The following CNBD1 variants were observed in gnomAD, a reference collection of about 807,000 sequenced individuals.
CNBD1 encodes the protein cyclic nucleotide-binding domain-containing protein 1.
CNBD1 carries 71 observed loss-of-function variants against 54.4 expected under a neutral mutation model. The observed-to-expected ratio is 1.30, with a 90% confidence interval of 1.08 to 1.59. The LOEUF (loss-of-function observed/expected upper bound fraction) is 1.59, where lower values mean the gene tolerates loss of function less well. Ranked by LOEUF, CNBD1 falls within the 40% of genes most tolerant of loss-of-function variation. CNBD1 has a pLI of 0.00. For missense variants in CNBD1, 659 were observed against 518.0 expected (o/e 1.27, Z -2.64); for synonymous variants, 182 against 170.7 (o/e 1.07, Z -0.51).
chr8:87,232,886 T>C (rs548488396), intron 5 of CNBD1, among the ~76,000 whole-genome samples: 173 of 152,196 alleles, frequency 1.1e-3, no homozygotes, highest in Middle Eastern at 6.8e-3. Flanking sequence ...TTAAACACAG[T>C]TTTTCCGAAG....
rs563085691 is a variant in CNBD1 at position 87,353,071 on chromosome 8, G to A, written c.1153-565G>A. 3.9e-5 allele frequency among the ~76,000 whole-genome samples: 6 copies of A among 152,256 alleles called. No homozygotes were observed. In the East Asian group the frequency reaches 1.2e-3, roughly 29 times the overall value. On this transcript the variant is annotated intron_variant, in intron 9 of 10. Transcript: ENST00000518476. ...CAGAACCATTCATATTGAACATCCT[G>A]TAGGCCCTTCTCCACAAGGTCTCTT...
At chr8:87,284,246 A>G (rs1046534242) in intron 6 of CNBD1, among the ~76,000 whole-genome samples, 4 of 152,148 alleles carry the variant, frequency 2.6e-5, no homozygotes, top group Non-Finnish European at 5.9e-5. Context: ...AAATTAAGCA[A>G]TCATCCATAA....
intron 2 of CNBD1, among the ~76,000 whole-genome samples, chr8:87,389,239 A>G (rs1426093591): frequency 2.0e-5 from 3 of 152,192 alleles, no homozygotes; most frequent in Non-Finnish European, 2.9e-5. Context: ...TAGTGTTGGA[A>G]GTTCTGGCCA....
intron 4 of CNBD1, among the ~76,000 whole-genome samples, chr8:87,040,009 C>A (rs1282345331): frequency 6.6e-6 from 1 of 152,166 alleles, no homozygotes; most frequent in African/African-American, 2.4e-5. Flanking sequence ...ACAGGGTCTG[C>A]AAAATATCTC....
intron 10 of CNBD1, among the ~76,000 whole-genome samples, chr8:87,382,406 C>G (rs2130960993): frequency 6.6e-6 from 1 of 151,912 alleles, no homozygotes; most frequent in South Asian, 2.1e-4. Flanking sequence ...TAGAATTTTC[C>G]TTGTGGAAAA....
chr8:87,332,902 C>A (rs545525503), intron 8 of CNBD1, among the ~76,000 whole-genome samples: 38 of 151,994 alleles, frequency 2.5e-4, no homozygotes, highest in African/African-American at 8.7e-4. Flanking sequence ...TTTTCTAATT[C>A]TGGAAGAATA....
intron 6 of CNBD1, among the ~76,000 whole-genome samples, chr8:87,262,153 A>G (rs1452575813): frequency 3.3e-5 from 5 of 152,218 alleles, no homozygotes; most frequent in East Asian, 1.9e-4. Context: ...GACCCTGTCT[A>G]AAACACACAA....
At chr8:87,380,291 T>G (rs111845462) in intron 10 of CNBD1, among the ~76,000 whole-genome samples, 2,873 of 152,028 alleles carry the variant, frequency 0.019, 92 homozygotes, top group African/African-American at 0.063. Flanking sequence ...AAAAATAAGA[T>G]CATTCTTGGC....
intron 4 of CNBD1, among the ~76,000 whole-genome samples, chr8:87,076,636 G>T (rs553527756): frequency 6.6e-6 from 1 of 152,016 alleles, no homozygotes; most frequent in South Asian, 2.1e-4. Flanking sequence ...TAGAGATGGG[G>T]TTTCATCGTG....
chr8:87,036,594 T>TGAA (rs762075391), intron 4 of CNBD1, among the ~76,000 whole-genome samples: 1 of 64,744 alleles, frequency 1.5e-5, no homozygotes, highest in Non-Finnish European at 2.8e-5. Context: ...ACTGCATCTC[T>TGAA]AAAAAAAAAA....
intron 4 of CNBD1, among the ~76,000 whole-genome samples, chr8:87,057,473 T>G (rs777040426): frequency 6.6e-6 from 1 of 152,198 alleles, no homozygotes; most frequent in African/African-American, 2.4e-5. Context: ...GGAACTACAA[T>G]TCAAGATATT....
In CNBD1 at chr8:87,260,981, C is replaced by A. The variant is rs116756777; in HGVS notation, c.772-23697C>A. 8.6e-3 allele frequency among the ~76,000 whole-genome samples: 1,305 copies of A among 152,110 alleles called. 34 individuals are homozygous for A. Among genetic ancestry groups the A allele is most frequent in the African/African-American group, 0.03 (1,227 of 41,502 alleles). Reference sequence around the variant, plus strand: ...ACCTAAGCATGCAAGAAAAATGACACAAAGGGATAGAACACAAAAATCCCT... The same window carrying A: ...ACCTAAGCATGCAAGAAAAATGACAAAAAGGGATAGAACACAAAAATCCCT... On this transcript the variant is annotated intron_variant, in intron 6 of 10. Transcript: ENST00000518476.
At chr8:87,189,509 C>G (rs1444643418) in intron 4 of CNBD1, among the ~76,000 whole-genome samples, 1 of 152,106 alleles carries the variant, frequency 6.6e-6, no homozygotes, top group Non-Finnish European at 1.5e-5. Context: ...ATTCCTCTCT[C>G]TCTACAAGAA....
At chr8:87,354,344 G>T (rs951635858) in intron 10 of CNBD1, among the ~76,000 whole-genome samples, 9 of 151,986 alleles carry the variant, frequency 5.9e-5, no homozygotes, top group Admixed American at 5.2e-4. Context: ...GTACTTGGTG[G>T]ATCCCAGGCA....
intron 4 of CNBD1, among the ~76,000 whole-genome samples, chr8:87,070,262 G>A (rs964970863): frequency 1.3e-4 from 20 of 151,864 alleles, no homozygotes; most frequent in Admixed American, 4.6e-4. Flanking sequence ...GTCCTACCCC[G>A]CATATATCTA....
chr8:87,381,738 G>A lies in CNBD1; in HGVS notation c.1304-882G>A, dbSNP rs185786060. Among the ~76,000 whole-genome samples the A allele has an allele frequency of 2.0e-5, 3 of 151,962 alleles. No homozygotes were observed. In the East Asian group the frequency reaches 5.8e-4, roughly 29 times the overall value. ...GAGCCTTGAGGACATTATGCTACAT[G>A]AAATAAGCCAGTCACAGAATCCCCA... On this transcript the variant is annotated intron_variant, in intron 10 of 10. Transcript: ENST00000518476.
At chr8:87,390,795 T>C (rs897883333) in intron 2 of CNBD1, among the ~76,000 whole-genome samples, 3 of 152,168 alleles carry the variant, frequency 2.0e-5, no homozygotes, top group African/African-American at 4.8e-5. Flanking sequence ...TGCACACATA[T>C]GTTTATTGCG....
chr8:87,386,647 T>C (rs559426035), downstream of CNBD1, among the ~76,000 whole-genome samples: 1 of 152,102 alleles, frequency 6.6e-6, no homozygotes, highest in East Asian at 1.9e-4. Flanking sequence ...TACCTGAAAG[T>C]GATGGGGAGA....
At chr8:87,112,328 A>G (rs1811680577) in intron 4 of CNBD1, among the ~76,000 whole-genome samples, 1 of 152,124 alleles carries the variant, frequency 6.6e-6, no homozygotes, top group East Asian at 1.9e-4. Context: ...CAGTTCCCCT[A>G]TCTAATAAGG....
Sources: allele counts gnomAD v4.1 joint callset (sites outside exome capture counted in the v4.1 genomes callset), GRCh38; gene constraint gnomAD v4.1.1; transcripts MANE v1.5; gene names NCBI Gene and HGNC (gene_info 2026-07-23, HGNC 2026-07-21).